ESR1: variants seen among roughly 807,000 people sequenced by gnomAD.
ESR1 encodes the protein estrogen receptor.
Under a neutral mutation model 52.7 loss-of-function variants are expected in ESR1, and 12 were observed. The ratio of observed to expected loss-of-function variants is 0.23; its 90% confidence interval spans 0.15 to 0.37. The LOEUF is 0.37. Ranked by LOEUF, ESR1 falls within the 10% of genes least tolerant of loss-of-function variation. ESR1 has a pLI of 1.00. For synonymous variants in ESR1, 305 were observed against 316.8 expected (o/e 0.96, Z 0.39); for missense variants, 584 against 779.7 (o/e 0.75, Z 2.99).
intron 6 of ESR1, among the ~76,000 whole-genome samples, chr6:152,123,912 C>T (rs2052369016): frequency 6.6e-6 from 1 of 152,072 alleles, no homozygotes; most frequent in Admixed American, 6.5e-5. Context: ...ACAGACTACC[C>T]TAATATCGGT....
intron 2 of ESR1, among the ~76,000 whole-genome samples, chr6:151,797,635 CT>C (rs1776838354): frequency 6.6e-6 from 1 of 152,158 alleles, no homozygotes; most frequent in Admixed American, 6.5e-5. Context: ...ATTGCTTGTG[CT>C]TGTTTATTAC....
intron 2 of ESR1, among the ~76,000 whole-genome samples, chr6:151,784,476 T>A (rs953496294): frequency 1.3e-5 from 2 of 152,180 alleles, no homozygotes; most frequent in African/African-American, 4.8e-5. Flanking sequence ...ATTTTTAAAT[T>A]TTCCTTAATG....
At chr6:152,029,494 G>A (rs1382498898) in intron 5 of ESR1, among the ~76,000 whole-genome samples, 1 of 152,214 alleles carries the variant, frequency 6.6e-6, no homozygotes, top group Non-Finnish European at 1.5e-5. Flanking sequence ...TGTGACGAAT[G>A]CACAAGCTTC....
At chr6:151,777,125 T>TA (rs999677241) in intron 2 of ESR1, among the ~76,000 whole-genome samples, 2 of 149,436 alleles carry the variant, frequency 1.3e-5, no homozygotes, top group African/African-American at 4.9e-5. Context: ...TTTCTTTTCT[T>TA]TTTTTTTTTG....
chr6:151,965,226 C>A (rs915530903), intron 4 of ESR1, among the ~76,000 whole-genome samples: 1 of 152,118 alleles, frequency 6.6e-6, no homozygotes, highest in Admixed American at 6.5e-5. Context: ...TCTTTCCAAA[C>A]CATAGTATAT....
rs189267397 is a variant in ESR1, at chr6:151,750,006, T to C, written c.-71+48001T>C. On this transcript the variant is annotated intron_variant, in intron 2 of 2. Transcript: ENST00000404742. ...GTTAATTGACATGTCAGGTTTTAAA[T>C]ACAAAAGGAATGAGGGAGGGAGACA... Among the ~76,000 whole-genome samples the C allele has an allele frequency of 5.9e-5, 9 of 152,286 alleles. No individual in the cohort carries two copies. The East Asian group carries it at 1.7e-3, about 29-fold the overall frequency.
upstream of ESR1, among the ~76,000 whole-genome samples, chr6:151,806,557 T>TATATATATATATATATATATATATATAC (rs1554259008): frequency 9.0e-5 from 12 of 133,788 alleles, 1 homozygote; most frequent in Non-Finnish European, 1.6e-4. Flanking sequence ...TATATATATA[T>TATATATATATATATATATATATATATAC]ACACATATAT....
chr6:151,942,223 C>T (rs537527480), intron 3 of ESR1, among the ~76,000 whole-genome samples: 1 of 152,292 alleles, frequency 6.6e-6, no homozygotes, highest in South Asian at 2.1e-4. Context: ...AGGTGTCCCT[C>T]AATTTGTTAA....
At position 151,713,632 on chromosome 6, in the gene ESR1, G is replaced by A. The variant is rs1401136143; in HGVS notation, c.-71+11627G>A. Among the ~76,000 whole-genome samples, 4 of 152,126 alleles carry A rather than the reference G, an allele frequency of 2.6e-5. No individual in the cohort carries two copies. The East Asian group carries it at 7.7e-4, about 29-fold the overall frequency. On this transcript the variant is annotated intron_variant, in intron 2 of 2. Coordinates refer to the ESR1 transcript ENST00000404742. ...TTTTCTAGTTTATTTGCGCAGAGGT[G>A]TTTATAGTATTCTCTGATGGTAGTT...
chr6:152,116,913 A>T (rs561043083), intron 6 of ESR1, among the ~76,000 whole-genome samples: 1 of 152,142 alleles, frequency 6.6e-6, no homozygotes, highest in Non-Finnish European at 1.5e-5. Context: ...TGAAGCCAAT[A>T]TATTTTGAGT....
chr6:151,712,987 C>T (rs530703986), intron 2 of ESR1, among the ~76,000 whole-genome samples: 2 of 152,062 alleles, frequency 1.3e-5, no homozygotes, highest in East Asian at 3.9e-4. Context: ...TCATGAATAT[C>T]TCTTATTATT....
At chr6:152,045,644 A>G (rs2046171295) in intron 5 of ESR1, among the ~76,000 whole-genome samples, 3 of 152,148 alleles carry the variant, frequency 2.0e-5, no homozygotes. Flanking sequence ...TTAGATATCT[A>G]GTACCAAGAC....
intron 6 of ESR1, among the ~76,000 whole-genome samples, chr6:152,093,658 C>G (rs746196802): frequency 6.6e-6 from 1 of 151,990 alleles, no homozygotes; most frequent in Non-Finnish European, 1.5e-5. Context: ...AGAAAATAGG[C>G]GAGAGAGGAA....
intron 5 of ESR1, among the ~76,000 whole-genome samples, chr6:152,015,115 A>C (rs1282158548): frequency 6.6e-6 from 1 of 152,096 alleles, no homozygotes; most frequent in East Asian, 1.9e-4. Flanking sequence ...ATGAATCACT[A>C]TTACAAGTGT....
intron 2 of ESR1, among the ~76,000 whole-genome samples, chr6:151,877,100 A>C (rs1254093633): frequency 6.6e-6 from 1 of 152,124 alleles, no homozygotes; most frequent in East Asian, 1.9e-4. Context: ...ATAAAATTTA[A>C]AAAGAATTTC....
chr6:151,985,351 C>T (rs1225664458), intron 4 of ESR1, among the ~76,000 whole-genome samples: 1 of 150,628 alleles, frequency 6.6e-6, no homozygotes, highest in African/African-American at 2.4e-5. Flanking sequence ...ACTAAAAATA[C>T]AAAAAAATTA....
At chr6:151,807,603 C>T, upstream of ESR1, 1 of 517,616 alleles carries the variant, frequency 1.9e-6, no homozygotes, top group Non-Finnish European at 3.5e-6. Flanking sequence ...GCAACAGTCC[C>T]TGGCCGTCCT....
chr6:151,977,512 A>G (rs1301187098), intron 4 of ESR1, among the ~76,000 whole-genome samples: 1 of 151,846 alleles, frequency 6.6e-6, no homozygotes, highest in Non-Finnish European at 1.5e-5. Context: ...AGTGACTGCA[A>G]AGCCAGAAGC....
chr6:151,824,509 G>A (rs1176440628), intron 1 of ESR1, among the ~76,000 whole-genome samples: 1 of 152,138 alleles, frequency 6.6e-6, no homozygotes, highest in African/African-American at 2.4e-5. Flanking sequence ...GGCTTTTGTT[G>A]CCATTGCTTT....
Sources: gnomAD v4.1 joint callset for allele counts (sites outside exome capture counted in the v4.1 genomes callset) on GRCh38, gnomAD v4.1.1 for gene constraint, MANE v1.5 for transcripts, NCBI Gene and HGNC (gene_info 2026-07-23, HGNC 2026-07-21) for gene names.